CUBN: variants seen among roughly 807,000 people sequenced by gnomAD.
The protein encoded by CUBN is 460 kDa receptor.
CUBN carries 282 observed loss-of-function variants against 405.3 expected under a neutral mutation model. The observed-to-expected ratio is 0.70, with a 90% confidence interval of 0.63 to 0.77. CUBN has a LOEUF of 0.77. Ranked by LOEUF, CUBN falls within the 30% of genes least tolerant of loss-of-function variation. CUBN has a pLI of 0.00. For synonymous variants in CUBN, 1,684 were observed against 1,617.0 expected (o/e 1.04, Z -0.99); for missense variants, 4,514 against 4,475.2 (o/e 1.01, Z -0.25).
chr10:16,851,229 C>A lies in CUBN; in HGVS notation c.9663+6G>T, dbSNP rs1217708439. ...AGACTCTGTTAAAAAAATAAAACAG[C>A]CTTACCTTTACATAATCATAAAGGC... On this transcript the variant is annotated splice_donor_region_variant and intron_variant, in intron 60 of 66. Transcript: ENST00000377833. 6 of 1,607,190 alleles carry A rather than the reference C, an allele frequency of 3.7e-6. No homozygotes were observed. Among genetic ancestry groups the A allele is most frequent in the Non-Finnish European group, 5.1e-6 (6 of 1,174,204 alleles).
chr10:17,036,136 C>T lies in CUBN; in HGVS notation c.4017+4897G>A, dbSNP rs546320257. ...GGCTAGAGGGCTTGGCTACACTGCC[C>T]TAATGAGTATCGTCCATAGGCAGGC... On this transcript the variant is annotated intron_variant, in intron 27 of 66. Coordinates refer to ENST00000377833, the MANE Select transcript of CUBN (RefSeq NM_001081.4). Among the ~76,000 whole-genome samples the T allele has an allele frequency of 8.5e-5, 13 of 152,264 alleles. No individual in the cohort carries two copies. In the South Asian group the frequency reaches 2.1e-3, roughly 24 times the overall value.
chr10:16,931,263 CA>C (rs1207387297), intron 40 of CUBN, among the ~76,000 whole-genome samples: 10,927 of 113,830 alleles, frequency 0.096, 483 homozygotes, highest in Non-Finnish European at 0.14. Flanking sequence ...GACTCCGTCT[CA>C]AAAAAAAAAA....
At chr10:17,011,321 T>A (rs1415303415) in intron 28 of CUBN, among the ~76,000 whole-genome samples, 2 of 152,190 alleles carry the variant, frequency 1.3e-5, no homozygotes, top group African/African-American at 2.4e-5. Flanking sequence ...TTCAGATGTG[T>A]CCGCAGTTTC....
In CUBN at chr10:16,954,435, A is replaced by C. The variant is rs1384971209; in HGVS notation, c.4809T>G (p.Ser1603=). The C allele has an allele frequency of 6.2e-7, 1 of 1,614,176 alleles. No homozygotes were observed. Among genetic ancestry groups the C allele is most frequent in the Non-Finnish European group, 8.5e-7 (1 of 1,180,030 alleles). ...SGNSLFLRFQ[S]GPSRQNRGFR... ...AGCCTCTGTTCTGTCTGGAAGGGCCAGACTGAAATCTCAAGAAGAGGCTGT... is the reference window on the plus strand; with the variant it reads ...AGCCTCTGTTCTGTCTGGAAGGGCCCGACTGAAATCTCAAGAAGAGGCTGT... The change falls in exon 32 of 67, where the codon TCT becomes TCG. Residue 1603 remains serine, a synonymous_variant. Transcript: ENST00000377833.
intron 66 of CUBN, among the ~76,000 whole-genome samples, chr10:16,825,743 C>T (rs1444436202): frequency 6.6e-6 from 1 of 151,466 alleles, no homozygotes; most frequent in South Asian, 2.1e-4. Flanking sequence ...TTGATCAAGG[C>T]ACTGCCACGC....
chr10:16,875,914 C>T (rs889985330), intron 57 of CUBN, among the ~76,000 whole-genome samples: 2 of 152,158 alleles, frequency 1.3e-5, no homozygotes, highest in African/African-American at 2.4e-5. Context: ...TTCAACAAGA[C>T]GACGGGAGAG....
chr10:16,913,971 C>A lies in CUBN; in HGVS notation c.7373G>T (p.Gly2458Val). 6.2e-7 allele frequency: 1 copy of A among 1,613,954 alleles called. No homozygotes were observed. Among genetic ancestry groups the A allele is most frequent in the Non-Finnish European group, 8.5e-7 (1 of 1,180,016 alleles). Residue 2458 changes from glycine to valine, a missense_variant, in exon 48 of 67, where the codon GGC becomes GTC. Gly to Val is a moderately radical substitution (Grantham distance 109). Transcript: ENST00000377833. ...SMEECGGDLQ[G>V]SIGTFTSPNY... ...GGGAGAAGTAAATGTTCCAATAGAG[C>A]CCTGAAGATCCCCACCACACTCTGA...
rs1842617089 is a variant in CUBN, at chr10:16,940,214, T to C, written c.5366A>G (p.Gln1789Arg). ...SFISFQLEDSQDCSRDFVEIR... is the reference protein window; with the variant it reads ...SFISFQLEDSRDCSRDFVEIR... ...CTCCACAAAATCTCTGCTGCAGTCC[T>C]GAGAGTCTTCCAACTGGAAAGATCT... Residue 1789 changes from glutamine (Q) to arginine (R), a missense_variant, in exon 37 of 67, where the codon CAG becomes CGG. Transcript: ENST00000377833. The C allele has an allele frequency of 2.5e-6, 4 of 1,614,092 alleles. No individual in the cohort carries two copies. In the Middle Eastern group the frequency reaches 5.0e-4, roughly 200 times the overall value.
At chr10:17,114,427 A>G (rs1836841677) in intron 7 of CUBN, among the ~76,000 whole-genome samples, 1 of 152,208 alleles carries the variant, frequency 6.6e-6, no homozygotes, top group Non-Finnish European at 1.5e-5. Flanking sequence ...GATGCCAGGG[A>G]AAGAGTAACA....
intron 14 of CUBN, among the ~76,000 whole-genome samples, chr10:17,095,973 C>T (rs1836365809): frequency 6.6e-6 from 1 of 152,054 alleles, no homozygotes; most frequent in African/African-American, 2.4e-5. Flanking sequence ...AAAGGAAATC[C>T]TGTCATTTGT....
intron 29 of CUBN, among the ~76,000 whole-genome samples, chr10:16,984,941 C>T (rs950610828): frequency 1.3e-5 from 2 of 152,242 alleles, no homozygotes; most frequent in Non-Finnish European, 2.9e-5. Context: ...CCTGTGCCTG[C>T]TCCCAGCACG....
chr10:16,932,494 G>A (rs968953196), intron 40 of CUBN, among the ~76,000 whole-genome samples: 1 of 146,102 alleles, frequency 6.8e-6, no homozygotes, highest in Non-Finnish European at 1.5e-5. Context: ...CCATGCCTGT[G>A]TACAAAGGAA....
intron 49 of CUBN, among the ~76,000 whole-genome samples, chr10:16,907,182 G>A (rs916915963): frequency 3.9e-5 from 6 of 152,202 alleles, no homozygotes; most frequent in African/African-American, 1.4e-4. Context: ...CTAGGAGGTA[G>A]ATGGTTTCTT....
intron 62 of CUBN, among the ~76,000 whole-genome samples, chr10:16,838,096 G>A (rs961816512): frequency 6.6e-6 from 1 of 152,124 alleles, no homozygotes; most frequent in Admixed American, 6.6e-5. Flanking sequence ...ATGGAATGAC[G>A]ATAATCTAGC....
chr10:16,886,121 CACTTT>C (rs1208443865), intron 56 of CUBN, among the ~76,000 whole-genome samples: 5 of 152,250 alleles, frequency 3.3e-5, no homozygotes, highest in Middle Eastern at 3.4e-3. Context: ...GAAAAGATGA[CACTTT>C]ACTTTATATT....
In CUBN at chr10:16,869,716, T is replaced by C. The variant is rs1840293875; in HGVS notation, c.9374A>G (p.Asn3125Ser). The C allele has an allele frequency of 1.9e-6, 3 of 1,614,104 alleles. No individual in the cohort carries two copies. The highest frequency in any genetic ancestry group is 2.5e-6 in the Non-Finnish European group (3 of 1,179,956). The part of the protein sequence containing the change: ...SKRPPNVKSS[N>S]NSMLLVFKTD... ...CTTGAACACCAGGAGCATACTATTATTGCTGCTCTTCACATTTGGTGGGCG... is the reference window on the plus strand; with the variant it reads ...CTTGAACACCAGGAGCATACTATTACTGCTGCTCTTCACATTTGGTGGGCG... The change falls in exon 59 of 67, where the codon AAT (asparagine) becomes AGT (serine). Residue 3125 changes from asparagine (N) to serine (S), a missense_variant. By Grantham distance (46) the Asn-to-Ser change is conservative. This residue lies in a region of CUBN where 1,186 missense variants were observed against 1,186.9 expected (regional missense o/e 1.00). Transcript: ENST00000377833.
Position 16,869,665 on chromosome 10 carries a change from C to T in CUBN, c.9425G>A (p.Gly3142Asp), listed in dbSNP as rs199561597. 1 of 1,613,866 alleles carries T rather than the reference C, an allele frequency of 6.2e-7. No homozygotes were observed. Among genetic ancestry groups the T allele is most frequent in the Non-Finnish European group, 8.5e-7 (1 of 1,179,870 alleles). The change falls in exon 59 of 67, where the codon GGC becomes GAC. Residue 3142 changes from glycine (G) to aspartate (D), a missense_variant. Physicochemically the swap from Gly to Asp is moderately conservative, Grantham distance 94 (BLOSUM62 -1). This residue lies in a region of CUBN where 1,186 missense variants were observed against 1,186.9 expected (regional missense o/e 1.00). Coordinates refer to ENST00000377833, the MANE Select transcript of CUBN (RefSeq NM_001081.4). Reference protein sequence around the residue: ...FKTDSFQTAKGWKMSFRQTLG... With the variant: ...FKTDSFQTAKDWKMSFRQTLG... ...TGTCTGCCGGAAAGACATCTTCCAG[C>T]CTTTTGCTGTCTGAAATGAATCTGT...
At chr10:16,998,464 TCAGAGGGA>T in intron 28 of CUBN, among the ~76,000 whole-genome samples, 1 of 152,266 alleles carries the variant, frequency 6.6e-6, no homozygotes, top group Admixed American at 6.5e-5. Context: ...CCTAGAGCCG[TCAGAGGGA>T]TGACCCTGCC....
At chr10:17,075,247 C>A (rs1835833585) in intron 17 of CUBN, among the ~76,000 whole-genome samples, 1 of 151,750 alleles carries the variant, frequency 6.6e-6, no homozygotes, top group Admixed American at 6.6e-5. Context: ...CCACGCCCAG[C>A]TAATTTTTGT....
Sources: gnomAD v4.1 joint callset for allele counts (sites outside exome capture counted in the v4.1 genomes callset) on GRCh38, gnomAD v4.1.1 for gene constraint, gnomAD v4.1.1 regional missense constraint, MANE v1.5 for transcripts, NCBI Gene and HGNC (gene_info 2026-07-23, HGNC 2026-07-21) for gene names.